Variants in RPRD2 observed in about 807,000 individuals in gnomAD.
RPRD2 encodes regulation of nuclear pre-mRNA domain containing 2.
RPRD2 carries 12 observed loss-of-function variants against 104.4 expected under a neutral mutation model. The ratio of observed to expected loss-of-function variants is 0.11; its 90% confidence interval spans 0.07 to 0.19. RPRD2 has a LOEUF of 0.19. RPRD2 is among the 10% of genes least tolerant of loss of function. RPRD2 has a pLI of 1.00. For synonymous variants in RPRD2, 714 were observed against 684.9 expected (o/e 1.04, Z -0.66); for missense variants, 1,543 against 1,790.1 (o/e 0.86, Z 2.49).
intron 1 of RPRD2, among the ~76,000 whole-genome samples, chr1:150,379,694 G>A (rs961337005): frequency 1.3e-5 from 2 of 152,008 alleles, no homozygotes; most frequent in East Asian, 1.9e-4. Flanking sequence ...GAGCCACTAC[G>A]CCTGGCAAAT....
chr1:150,406,914 C>T (rs1322865013), intron 1 of RPRD2, among the ~76,000 whole-genome samples: 1 of 152,086 alleles, frequency 6.6e-6, no homozygotes, highest in Non-Finnish European at 1.5e-5. Flanking sequence ...AGGGTTTCTC[C>T]ATGTTGATCA....
intron 4 of RPRD2, among the ~76,000 whole-genome samples, chr1:150,442,610 G>A (rs1046392629): frequency 3.9e-5 from 6 of 152,148 alleles, no homozygotes; most frequent in Admixed American, 1.3e-4. Context: ...AGATACTTGG[G>A]ATGGTTTTGC....
intron 1 of RPRD2, among the ~76,000 whole-genome samples, chr1:150,372,344 G>C (rs781894827): frequency 6.6e-6 from 1 of 152,142 alleles, no homozygotes; most frequent in African/African-American, 2.4e-5. Flanking sequence ...TTAAAATTTA[G>C]CCGGGCTTGG....
At chr1:150,434,658 A>T (rs1359425542) in intron 2 of RPRD2, among the ~76,000 whole-genome samples, 1 of 151,992 alleles carries the variant, frequency 6.6e-6, no homozygotes, top group Non-Finnish European at 1.5e-5. Context: ...TCTACCAAAA[A>T]TACAAAAATT....
chr1:150,470,877 T>C lies in RPRD2; in HGVS notation c.1929T>C (p.Pro643=). 6.2e-7 allele frequency: 1 copy of C among 1,613,994 alleles called. No individual in the cohort carries two copies. ...ACAATACTAGCCCTGCTGCCCCACC[T>C]ACTGAAGTTACCATCTGCCAATCTT... ...ATHNTSPAAP[P]TEVTICQSSE... Residue 643 remains proline, a synonymous_variant, in exon 11 of 11, where the codon CCT becomes CCC. Coordinates refer to ENST00000369068, the MANE Select transcript of RPRD2 (RefSeq NM_015203.5).
rs782299676 is a variant in RPRD2, at chr1:150,444,259, C to T, written c.576C>T (p.Ala192=). 2 of 1,612,826 alleles carry T rather than the reference C, an allele frequency of 1.2e-6. No individual in the cohort carries two copies. Among genetic ancestry groups the T allele is most frequent in the Non-Finnish European group, 1.7e-6 (2 of 1,179,488 alleles). The change falls in exon 6 of 11, where the codon GCC becomes GCT. Residue 192 remains alanine, a synonymous_variant. Transcript: ENST00000369068. The part of the protein sequence containing the change: ...SKIVAEFRSQ[A]LIEELLLYKR... ...CTCTGGTCTGTGTTTAGTCTCAGGCCCTAATTGAAGAGCTGTTGCTATACA... is the reference window on the plus strand; with the variant it reads ...CTCTGGTCTGTGTTTAGTCTCAGGCTCTAATTGAAGAGCTGTTGCTATACA...
intron 1 of RPRD2, among the ~76,000 whole-genome samples, chr1:150,369,955 A>G (rs1660177013): frequency 6.7e-6 from 1 of 149,206 alleles, no homozygotes; most frequent in African/African-American, 2.5e-5. Flanking sequence ...TAATTTTTGT[A>G]TTTTTTAGTA....
Position 150,440,913 on chromosome 1 carries a change from T to G in RPRD2, c.336-10T>G. 7.0e-7 allele frequency: 1 copy of G among 1,435,692 alleles called. No homozygotes were observed. Among genetic ancestry groups the G allele is most frequent in the Non-Finnish European group, 9.6e-7 (1 of 1,042,186 alleles). 88.9% of individuals were successfully genotyped at this position (1,435,692 alleles called of 1,614,324 possible). A position where few individuals can be genotyped will look rare whatever the true frequency, so the allele number is the denominator to read the frequency against. The stretch of plus-strand genomic sequence containing the variant: ...TTTTATAGTCTGTATTACTTTTTCT[T>G]TGTTTTCAGGGATCCATCTGTCTCT... On this transcript the variant is annotated splice_polypyrimidine_tract_variant and intron_variant, in intron 2 of 10. Coordinates refer to ENST00000369068, the MANE Select transcript of RPRD2 (RefSeq NM_015203.5).
rs782456656 is a variant in RPRD2, at chr1:150,387,753, G to T, written c.205+22834G>T. 6.0e-5 allele frequency among the ~76,000 whole-genome samples: 9 copies of T among 149,980 alleles called. No individual in the cohort carries two copies. The East Asian group carries it at 1.4e-3, about 23-fold the overall frequency. On this transcript the variant is annotated intron_variant, in intron 1 of 10. Coordinates refer to ENST00000369068, the MANE Select transcript of RPRD2 (RefSeq NM_015203.5). ...ATTGCAGGCAGGCACCATGACACCC[G>T]GCTAATTTTTGCATTTTTAGTAGAC...
intron 6 of RPRD2, among the ~76,000 whole-genome samples, chr1:150,445,811 G>C (rs1239993783): frequency 1.3e-5 from 2 of 152,144 alleles, no homozygotes; most frequent in African/African-American, 4.8e-5. Flanking sequence ...GCTCACAACT[G>C]TAATCCCAGC....
At chr1:150,464,381 T>TTTAA in intron 9 of RPRD2, 146 bp from the exon 10 acceptor site, 1 of 509,080 alleles carries the variant, frequency 2.0e-6, no homozygotes, top group Non-Finnish European at 3.4e-6. Context: ...TTTTTTTTTG[T>TTTAA]ACATGTCATG....
In RPRD2 at chr1:150,472,062, T is replaced by A; in HGVS notation, c.3114T>A (p.Gly1038=). The A allele has an allele frequency of 3.1e-6, 5 of 1,613,754 alleles. No individual in the cohort carries two copies. The highest frequency in any genetic ancestry group is 4.2e-6 in the Non-Finnish European group (5 of 1,179,860). Residue 1038 remains glycine, a synonymous_variant, in exon 11 of 11, where the codon GGT becomes GGA. Coordinates refer to ENST00000369068, the MANE Select transcript of RPRD2 (RefSeq NM_015203.5). The part of the protein sequence containing the change: ...QAPSKGTPSD[G]VSLSNLTQPS... ...CCAGCAAGGGCACTCCAAGTGATGG[T>A]GTCAGTCTCTCAAACCTCACCCAAC...
intron 6 of RPRD2, among the ~76,000 whole-genome samples, chr1:150,445,375 G>A (rs759229126): frequency 9.9e-5 from 15 of 152,262 alleles, no homozygotes; most frequent in Non-Finnish European, 2.1e-4. Context: ...GCCATATTCT[G>A]CCAGTCACTG....
chr1:150,433,940 C>G (rs1186606100), intron 2 of RPRD2, among the ~76,000 whole-genome samples: 1 of 146,996 alleles, frequency 6.8e-6, no homozygotes, highest in Admixed American at 6.8e-5. Flanking sequence ...CACACACACA[C>G]AGAGGCATAT....
intron 9 of RPRD2, among the ~76,000 whole-genome samples, chr1:150,463,559 T>G (rs1297414798): frequency 1.3e-5 from 2 of 152,212 alleles, no homozygotes; most frequent in Non-Finnish European, 2.9e-5. Context: ...TAAGTTTCTT[T>G]GTGAAATATC....
chr1:150,416,666 T>C (rs904111672), intron 1 of RPRD2, among the ~76,000 whole-genome samples: 1 of 151,782 alleles, frequency 6.6e-6, no homozygotes, highest in Non-Finnish European at 1.5e-5. Context: ...AGTCAGGAGT[T>C]TGAGATCAGC....
intron 6 of RPRD2, among the ~76,000 whole-genome samples, chr1:150,445,292 T>A (rs1553895327): frequency 6.6e-6 from 1 of 152,178 alleles, no homozygotes. Flanking sequence ...TGAGGTCTTG[T>A]AAGGAGATTA....
At chr1:150,418,893 T>C (rs1443149279) in intron 2 of RPRD2, among the ~76,000 whole-genome samples, 2 of 152,040 alleles carry the variant, frequency 1.3e-5, no homozygotes, top group African/African-American at 4.8e-5. Context: ...GCACCTGTAG[T>C]CCCAGCTACT....
Position 150,444,360 on chromosome 1 carries a change from C to T in RPRD2, c.677C>T (p.Thr226Ile). ...AGGGTGGATGTGTGCAGCACAGAAACTCTCAAATGCTTAAAAGGTAATGCT... is the reference window on the plus strand; with the variant it reads ...AGGGTGGATGTGTGCAGCACAGAAATTCTCAAATGCTTAAAAGGTAATGCT... ...TMRVDVCSTE[T>I]LKCLKDKTGG... The change falls in exon 6 of 11, where the codon ACT becomes ATT. Residue 226 changes from threonine (T) to isoleucine (I), a missense_variant. Physicochemically the swap from Thr to Ile is moderately conservative, Grantham distance 89 (BLOSUM62 -1). Coordinates refer to ENST00000369068, the MANE Select transcript of RPRD2 (RefSeq NM_015203.5). 6.2e-7 allele frequency: 1 copy of T among 1,613,088 alleles called. No individual in the cohort carries two copies. The highest frequency in any genetic ancestry group is 8.5e-7 in the Non-Finnish European group (1 of 1,179,570).
Sources: allele counts gnomAD v4.1 joint callset (sites outside exome capture counted in the v4.1 genomes callset), GRCh38; gene constraint gnomAD v4.1.1; transcripts MANE v1.5; gene names NCBI Gene and HGNC (gene_info 2026-07-23, HGNC 2026-07-21).